The following GPHN variants were observed in gnomAD, a reference collection of about 807,000 sequenced individuals.
GPHN encodes gephyrin.
Under a neutral mutation model 95.5 loss-of-function variants are expected in GPHN, and 17 were observed. The ratio of observed to expected loss-of-function variants is 0.18; its 90% CI spans 0.12 to 0.27. The LOEUF (loss-of-function observed/expected upper bound fraction) is 0.27. Ranked by LOEUF, GPHN falls within the 10% of genes least tolerant of loss-of-function variation. GPHN has a pLI of 1.00. For missense variants in GPHN, 660 were observed against 978.1 expected (o/e 0.67, Z 4.34); for synonymous variants, 320 against 322.5 (o/e 0.99, Z 0.08).
the GPHN span, among the ~76,000 whole-genome samples, chr14:67,370,456 T>G: frequency 2.6e-5 from 4 of 152,060 alleles, no homozygotes; most frequent in Admixed American, 6.5e-5. Context: ...AGAGCAAAAT[T>G]GATAAACCCC....
At chr14:67,603,387 A>G in the GPHN span, among the ~76,000 whole-genome samples, 2 of 152,196 alleles carry the variant, frequency 1.3e-5, no homozygotes, top group African/African-American at 4.8e-5. Context: ...AAGTTTCACA[A>G]TTATAGAGTT....
the GPHN span, chr14:67,733,772 C>T: frequency 6.2e-7 from 1 of 1,613,248 alleles, no homozygotes; most frequent in African/African-American, 1.3e-5. Flanking sequence ...TGGGTGTCTC[C>T]AAGGGCCCGA....
chr14:66,808,567 G>A (rs929458472), intron 3 of GPHN, among the ~76,000 whole-genome samples: 8 of 152,204 alleles, frequency 5.3e-5, no homozygotes, highest in African/African-American at 4.8e-5. Flanking sequence ...TTGGGAGGCC[G>A]AGGCGAGGAT....
chr14:66,603,656 C>T (rs975216878), intron 1 of GPHN, among the ~76,000 whole-genome samples: 26 of 151,818 alleles, frequency 1.7e-4, no homozygotes, highest in Admixed American at 2.6e-4. Context: ...ATGTACCTTG[C>T]AACTATACTT....
chr14:67,352,754 G>C, the GPHN span: 16 of 554,720 alleles, frequency 2.9e-5, no homozygotes, highest in South Asian at 3.8e-4. Flanking sequence ...AAAGAGTTTG[G>C]ATTTTATTAA....
intron 2 of GPHN, among the ~76,000 whole-genome samples, chr14:66,684,996 G>A (rs959238249): frequency 5.9e-5 from 9 of 152,058 alleles, no homozygotes; most frequent in East Asian, 1.9e-4. Context: ...GAGAACATGC[G>A]GTGTTTGTTT....
intron 2 of GPHN, among the ~76,000 whole-genome samples, chr14:66,687,489 T>G (rs1340534703): frequency 2.7e-5 from 4 of 147,052 alleles, no homozygotes; most frequent in Admixed American, 2.7e-4. Context: ...TTATTTGGTT[T>G]TTTTTTTTTT....
intron 1 of GPHN, among the ~76,000 whole-genome samples, chr14:66,554,648 C>A (rs1471647719): frequency 1.3e-5 from 2 of 152,164 alleles, no homozygotes; most frequent in Non-Finnish European, 2.9e-5. Context: ...ACAGTTTCCT[C>A]CCTTAATACC....
chr14:67,445,577 CTTT>C, the GPHN span, among the ~76,000 whole-genome samples: 16 of 59,916 alleles, frequency 2.7e-4, no homozygotes, highest in African/African-American at 9.0e-4. Context: ...AGAGGCAATT[CTTT>C]TTTTTTTTTT....
intron 2 of GPHN, among the ~76,000 whole-genome samples, chr14:66,707,911 A>G (rs1436873149): frequency 6.6e-6 from 1 of 152,204 alleles, no homozygotes; most frequent in Non-Finnish European, 1.5e-5. Flanking sequence ...TTAAACATTT[A>G]TCATTTCTGT....
chr14:66,548,944 A>C (rs1566585019), intron 1 of GPHN, among the ~76,000 whole-genome samples: 1 of 152,160 alleles, frequency 6.6e-6, no homozygotes, highest in African/African-American at 2.4e-5. Flanking sequence ...ATTTCAGTTA[A>C]ATTTATGGAA....
chr14:66,765,769 AG>A (rs2153455341), intron 2 of GPHN, among the ~76,000 whole-genome samples: 1 of 152,284 alleles, frequency 6.6e-6, no homozygotes, highest in South Asian at 2.1e-4. Flanking sequence ...GAAAAAAAAA[AG>A]AATGACTGAA....
intron 10 of GPHN, among the ~76,000 whole-genome samples, chr14:67,054,135 T>G (rs191347167): frequency 2.6e-5 from 4 of 152,016 alleles, no homozygotes; most frequent in Non-Finnish European, 5.9e-5. Context: ...GAGAAAGAAA[T>G]AAAGCATATT....
intron 4 of GPHN, among the ~76,000 whole-genome samples, chr14:66,840,136 A>G (rs982839706): frequency 1.3e-5 from 2 of 152,058 alleles, no homozygotes; most frequent in Non-Finnish European, 2.9e-5. Flanking sequence ...AAAAATAGCC[A>G]GGCATGATGA....
At chr14:67,309,443 A>G in the GPHN span, among the ~76,000 whole-genome samples, 1 of 152,212 alleles carries the variant, frequency 6.6e-6, no homozygotes, top group South Asian at 2.1e-4. Flanking sequence ...TTAGGAAAGT[A>G]AGAGCTTTTT....
the GPHN span, chr14:67,474,062 G>T: frequency 8.8e-7 from 1 of 1,136,688 alleles, no homozygotes; most frequent in Non-Finnish European, 1.2e-6. Flanking sequence ...AACCAGCCTG[G>T]CCATCATGGT....
chr14:67,295,711 G>A, the GPHN span, among the ~76,000 whole-genome samples: 1 of 152,158 alleles, frequency 6.6e-6, no homozygotes, highest in African/African-American at 2.4e-5. Flanking sequence ...AAGACTGTCA[G>A]TATTGTTTGT....
chr14:66,603,870 ATT>A (rs1185343401), intron 1 of GPHN, among the ~76,000 whole-genome samples: 7 of 152,042 alleles, frequency 4.6e-5, no homozygotes, highest in Non-Finnish European at 8.8e-5. Flanking sequence ...ATTTCTTCAC[ATT>A]TAATAGTTTG....
At chr14:66,739,466 T>C (rs1362737296) in intron 2 of GPHN, among the ~76,000 whole-genome samples, 1 of 150,746 alleles carries the variant, frequency 6.6e-6, no homozygotes, top group African/African-American at 2.4e-5. Flanking sequence ...TCTGCCCGCC[T>C]CAGCCTCCCA....
Sources: gnomAD v4.1 joint callset for allele counts (sites outside exome capture counted in the v4.1 genomes callset) on GRCh38, gnomAD v4.1.1 for gene constraint, MANE v1.5 for transcripts, NCBI Gene and HGNC (gene_info 2026-07-23, HGNC 2026-07-21) for gene names.